SLC2A8: variants seen among roughly 807,000 people sequenced by gnomAD.
The protein encoded by SLC2A8 is solute carrier family 2 member 8, also known as solute carrier family 2, facilitated glucose transporter member 8.
Under a neutral mutation model 49.2 loss-of-function variants are expected in SLC2A8, and 53 were observed. The observed-to-expected ratio is 1.08, with a 90% confidence interval of 0.86 to 1.35. The LOEUF is 1.35. SLC2A8 is among the 40% of genes most tolerant of loss of function. The pLI is 0.00. For missense variants in SLC2A8, 688 were observed against 671.7 expected (o/e 1.02, Z -0.27); for synonymous variants, 299 against 297.0 (o/e 1.01, Z -0.07).
At chr9:127,401,539 T>G (rs1265495145) in intron 4 of SLC2A8, among the ~76,000 whole-genome samples, 1 of 152,254 alleles carries the variant, frequency 6.6e-6, no homozygotes, top group East Asian at 1.9e-4. Flanking sequence ...CCCCACTGTG[T>G]GCAGGTGTTG....
chr9:127,404,874 GGTGGCCCTGGCAACTCCTCGCAC>G lies in SLC2A8; in HGVS notation c.1040_1062del (p.Pro347HisfsTer11), dbSNP rs1833431378. On this transcript the variant is annotated frameshift_variant, in exon 8 of 10. Transcript: ENST00000373371. LOFTEE classifies it high-confidence loss of function. ...CGGCGCCTACTTCAAGCTGACCCAG[GGTGGCCCTGGCAACTCCTCGCAC>G]GTGGCCATCTCGGCGCCTGTCTCTG... 1 of 1,612,772 alleles carries G rather than the reference GGTGGCCCTGGCAACTCCTCGCAC, an allele frequency of 6.2e-7. No individual in the cohort carries two copies. The highest frequency in any genetic ancestry group is 8.5e-7 in the Non-Finnish European group (1 of 1,179,842).
chr9:127,397,573 C>A, intron 2 of SLC2A8, 35 bp downstream of exon 2: 1 of 1,372,170 alleles, frequency 7.3e-7, no homozygotes, highest in Non-Finnish European at 9.3e-7. Context: ...CGCCCTGGGA[C>A]CCCACGCCCT....
rs1833530416 is a variant in SLC2A8, at chr9:127,407,400, AC to A, written c.*154del. The A allele has an allele frequency of 3.0e-6, 3 of 993,966 alleles. No individual in the cohort carries two copies. Among genetic ancestry groups the A allele is most frequent in the Admixed American group, 3.8e-5 (2 of 51,966 alleles). 61.6% of individuals were successfully genotyped at this position (993,966 alleles called of 1,614,324 possible). Reference sequence around the variant, plus strand: ...CCTGTCATGCTCCCTCCAGCCCATGACCCGGGGCTAGGAGGCTCACTGCCTC... The same window carrying A: ...CCTGTCATGCTCCCTCCAGCCCATGACCGGGGCTAGGAGGCTCACTGCCTC... On this transcript the variant is annotated 3_prime_UTR_variant, in exon 10 of 10. Coordinates refer to ENST00000373371, the MANE Select transcript of SLC2A8 (RefSeq NM_014580.5).
At chr9:127,397,631 G>A (rs1833082966) in intron 2 of SLC2A8, 93 bp downstream of exon 2, 5 of 1,345,510 alleles carry the variant, frequency 3.7e-6, no homozygotes, top group Non-Finnish European at 4.8e-6. Context: ...CCTTCCCCTC[G>A]GGACAGGCAT....
intron 8 of SLC2A8, 72 bp from the exon 9 acceptor site, chr9:127,405,348 T>C (rs1284806573): frequency 2.6e-6 from 4 of 1,543,946 alleles, no homozygotes; most frequent in Non-Finnish European, 3.5e-6. Context: ...CTGGGTCTCT[T>C]GGCTCTGCAG....
At chr9:127,402,288 T>C (rs1833317232) in intron 4 of SLC2A8, 1 of 429,316 alleles carries the variant, frequency 2.3e-6, no homozygotes. Flanking sequence ...ATCCTTCATT[T>C]TTGTGGCTAC....
At position 127,404,079 on chromosome 9, in the gene SLC2A8, C is replaced by T. The variant is rs752792593; in HGVS notation, c.976+12C>T. ...CCTGGTCTTGTCAGGTGAGGGTTCA[C>T]CCCTGTGCAGCCTCCCCGCCATGCG... On this transcript the variant is annotated intron_variant, in intron 7 of 9. Transcript: ENST00000373371. 5 of 1,564,042 alleles carry T rather than the reference C, an allele frequency of 3.2e-6. No individual in the cohort carries two copies. The highest frequency in any genetic ancestry group is 2.3e-5 in the South Asian group (2 of 87,608).
In SLC2A8 at chr9:127,407,577, G is replaced by A; in HGVS notation, c.*328G>A. 2.3e-6 allele frequency: 1 copy of A among 434,398 alleles called. No homozygotes were observed. The highest frequency in any genetic ancestry group is 6.0e-5 in the East Asian group (1 of 16,702). 26.9% of individuals were successfully genotyped at this position (434,398 alleles called of 1,614,324 possible). A position where few individuals can be genotyped will look rare whatever the true frequency, so the allele number is the denominator to read the frequency against. Reference sequence around the variant, plus strand: ...CTTCTGGCTGGAGGTGCTTTTGGAGGTTGGGTGCTGGGCATTCAGTCGCTC... The same window carrying A: ...CTTCTGGCTGGAGGTGCTTTTGGAGATTGGGTGCTGGGCATTCAGTCGCTC... On this transcript the variant is annotated 3_prime_UTR_variant, in exon 10 of 10. Coordinates refer to ENST00000373371, the MANE Select transcript of SLC2A8 (RefSeq NM_014580.5).
intron 4 of SLC2A8, 130 bp downstream of exon 4, chr9:127,400,136 C>A: frequency 3.2e-6 from 2 of 617,408 alleles, no homozygotes; most frequent in Non-Finnish European, 5.4e-6. Context: ...ATGCCAGGCT[C>A]GCCTTCCTGG....
intron 5 of SLC2A8, chr9:127,403,362 G>T: frequency 2.1e-6 from 1 of 470,800 alleles, no homozygotes; most frequent in Non-Finnish European, 3.9e-6. Flanking sequence ...CCTGAGGCAG[G>T]TGCTGGATGT....
chr9:127,403,252 G>C (rs1482721625), intron 5 of SLC2A8: 6 of 257,454 alleles, frequency 2.3e-5, no homozygotes, highest in Non-Finnish European at 2.3e-5. Context: ...TAGGGAGGAG[G>C]GGGGCTCAGT....
Position 127,407,534 on chromosome 9 carries a change from G to A in SLC2A8, c.*285G>A. 1 of 533,938 alleles carries A rather than the reference G, an allele frequency of 1.9e-6. No individual in the cohort carries two copies. Among genetic ancestry groups the A allele is most frequent in the Non-Finnish European group, 3.7e-6 (1 of 268,174 alleles). 33.1% of individuals were successfully genotyped at this position (533,938 alleles called of 1,614,324 possible). On this transcript the variant is annotated 3_prime_UTR_variant, in exon 10 of 10. Coordinates refer to ENST00000373371, the MANE Select transcript of SLC2A8 (RefSeq NM_014580.5). ...GACTAAAGCAGCGGAAGAGGAGGTGGGCCTCTAGGATCTTTGTCTTCTGGC... is the reference window on the plus strand; with the variant it reads ...GACTAAAGCAGCGGAAGAGGAGGTGAGCCTCTAGGATCTTTGTCTTCTGGC...
At position 127,399,996 on chromosome 9, in the gene SLC2A8, C is replaced by G. The variant is rs752438563; in HGVS notation, c.516C>G (p.Ala172=). 34 of 1,613,372 alleles carry G rather than the reference C, an allele frequency of 2.1e-5. No individual in the cohort carries two copies. The African/African-American group carries it at 4.1e-4, about 20-fold the overall frequency. ...TGGTCGTCGTCGGCATCCTCCTGGC[C>G]TACCTGGCAGGTATAGTTGTCATTA... The part of the protein sequence containing the change: ...QLMVVVGILL[A]YLAGWVLEWR... The change falls in exon 4 of 10, where the codon GCC becomes GCG. Residue 172 remains alanine, a synonymous_variant. Coordinates refer to ENST00000373371, the MANE Select transcript of SLC2A8 (RefSeq NM_014580.5). This position sits in a 1 kb window ranked among gnomAD's most constrained non-coding sequence, Gnocchi z 4.2.
intron 7 of SLC2A8, 26 bp from the exon 8 acceptor site, chr9:127,404,792 G>T: frequency 6.3e-7 from 1 of 1,598,732 alleles, no homozygotes; most frequent in African/African-American, 1.3e-5. Flanking sequence ...CGGGTGCCCC[G>T]CCCACTGCCG....
At chr9:127,406,947 A>C (rs989228129) in intron 9 of SLC2A8, among the ~76,000 whole-genome samples, 165 bp from the exon 10 acceptor site, 7 of 152,186 alleles carry the variant, frequency 4.6e-5, no homozygotes, top group Non-Finnish European at 7.3e-5. Context: ...ATGCCAGACT[A>C]TCCTCCATGT....
rs749835359 is a variant in SLC2A8, at chr9:127,407,270, G to A, written c.*21G>A. The A allele has an allele frequency of 1.2e-6, 2 of 1,612,390 alleles. No homozygotes were observed. The highest frequency in any genetic ancestry group is 1.7e-6 in the Non-Finnish European group (2 of 1,179,684). On this transcript the variant is annotated 3_prime_UTR_variant, in exon 10 of 10. Transcript: ENST00000373371. ...GATGACAGCCACTCACTAGGGGATG[G>A]AGCAAGCCTGTGACTCCAAGCTGGG...
chr9:127,397,775 C>T (rs1013135249), intron 2 of SLC2A8, 130 bp from the exon 3 acceptor site: 4 of 1,114,796 alleles, frequency 3.6e-6, no homozygotes, highest in Admixed American at 3.1e-5. Flanking sequence ...GGCCCCTCAG[C>T]CCCCTACCCC....
Position 127,402,548 on chromosome 9 carries a change from C to A in SLC2A8, c.527-9C>A. On this transcript the variant is annotated splice_polypyrimidine_tract_variant and intron_variant, in intron 4 of 9. Coordinates refer to ENST00000373371, the MANE Select transcript of SLC2A8 (RefSeq NM_014580.5). ...TCTGACGCCAGCCTCCTCCACCCACCCCCCGCAGGCTGGGTGCTGGAGTGG... is the reference window on the plus strand; with the variant it reads ...TCTGACGCCAGCCTCCTCCACCCACACCCCGCAGGCTGGGTGCTGGAGTGG... The A allele has an allele frequency of 2.0e-6, 3 of 1,519,822 alleles. No homozygotes were observed. Among genetic ancestry groups the A allele is most frequent in the South Asian group, 2.5e-5 (2 of 80,308 alleles). 94.1% of individuals were successfully genotyped at this position (1,519,822 alleles called of 1,614,324 possible). A position where few individuals can be genotyped will look rare whatever the true frequency, so the allele number is the denominator to read the frequency against.
At chr9:127,402,233 C>T in intron 4 of SLC2A8, 1 of 282,250 alleles carries the variant, frequency 3.5e-6, no homozygotes, top group Non-Finnish European at 6.6e-6. Context: ...ACCTCTTCTA[C>T]AAATGGTGCC....
Sources: allele counts gnomAD v4.1 joint callset (sites outside exome capture counted in the v4.1 genomes callset), GRCh38; gene constraint gnomAD v4.1.1; non-coding constraint Gnocchi (gnomAD v3.1); transcripts MANE v1.5; gene names NCBI Gene and HGNC (gene_info 2026-07-23, HGNC 2026-07-21).